Variants in GOLT1A observed in about 807,000 individuals in gnomAD.
GOLT1A encodes vesicle transport protein GOT1A.
Under a neutral mutation model 16.1 loss-of-function variants are expected in GOLT1A, and 10 were observed. The ratio of observed to expected loss-of-function variants is 0.62; its 90% CI spans 0.38 to 1.05. The LOEUF (loss-of-function observed/expected upper bound fraction) is 1.05, where lower values mean the gene tolerates loss of function less well. GOLT1A is among the 50% of genes least tolerant of loss of function. The pLI, the probability that GOLT1A is intolerant of heterozygous loss-of-function variation, is 0.01. For missense variants in GOLT1A, 137 were observed against 165.7 expected, an observed-to-expected ratio of 0.83 and a Z score of 0.95; for synonymous variants, 60 against 67.9, an observed-to-expected ratio of 0.88 and a Z score of 0.57.
rs1557987388 is a variant in GOLT1A at position 204,208,480 on chromosome 1, A to ATATGTGTG, written c.25+5401_25+5402insCACACATA. Among the ~76,000 whole-genome samples the ATATGTGTG allele has an allele frequency of 1.5e-3, 100 of 68,098 alleles. 1 individual carries two copies. The highest frequency in any genetic ancestry group is 4.6e-3 in the African/African-American group (96 of 20,694). 44.7% of individuals were successfully genotyped at this position (68,098 alleles called of 152,430 possible). On this transcript the variant is annotated intron_variant, in intron 1 of 4. Coordinates refer to ENST00000308302, the MANE Select transcript of GOLT1A (RefSeq NM_198447.2). ...TATACTTGTGTGTGTGTGTGTGTATATATATATATATATATATATATAAAA... is the reference window on the plus strand; with the variant it reads ...TATACTTGTGTGTGTGTGTGTGTATATATGTGTGTATATATATATATATATATATAAAA...
Position 204,198,481 on chromosome 1 carries a change from G to A in GOLT1A, c.376C>T (p.Gln126Ter), listed in dbSNP as rs1440957413. ...PFLGALFRRL[Q>*]GTSSMV ...TTTCAGACCATCGAGCTAGTGCCTT[G>A]AAGTCTCCGGAACAGCTGTGGGAGC... Residue 126 changes from glutamine (Q) to a stop codon, truncating the protein, a stop_gained, in exon 5 of 5, where the codon CAA (glutamine) becomes TAA (stop). Coordinates refer to ENST00000308302, the MANE Select transcript of GOLT1A (RefSeq NM_198447.2). LOFTEE classifies it high-confidence loss of function. 6.2e-7 allele frequency: 1 copy of A among 1,613,516 alleles called. No homozygotes were observed. The highest frequency in any genetic ancestry group is 8.5e-7 in the Non-Finnish European group (1 of 1,179,816).
intron 2 of GOLT1A, among the ~76,000 whole-genome samples, chr1:204,202,360 C>G (rs1658976963): frequency 6.6e-6 from 1 of 151,716 alleles, no homozygotes; most frequent in Non-Finnish European, 1.5e-5. Context: ...TCCCATGCTT[C>G]CCTGCTCCTT....
At chr1:204,203,908 C>A (rs1659001748) in intron 1 of GOLT1A, among the ~76,000 whole-genome samples, 1 of 152,152 alleles carries the variant, frequency 6.6e-6, no homozygotes, top group African/African-American at 2.4e-5. Flanking sequence ...TCAGAGCCAG[C>A]AAGCGTAGCC....
intron 1 of GOLT1A, among the ~76,000 whole-genome samples, chr1:204,205,847 A>G (rs1431423709): frequency 6.6e-6 from 1 of 152,200 alleles, no homozygotes; most frequent in Non-Finnish European, 1.5e-5. Flanking sequence ...ATGTGGGTGG[A>G]TCACTTGAAG....
chr1:204,198,370 T>A lies in GOLT1A; in HGVS notation c.*88A>T, dbSNP rs1658895170. The A allele has an allele frequency of 6.6e-6, 8 of 1,204,308 alleles. No individual in the cohort carries two copies. Among genetic ancestry groups the A allele is most frequent in the African/African-American group, 1.5e-5 (1 of 65,740 alleles). The allele number at this position is 1,204,308 out of a possible 1,614,324, so 74.6% of individuals were successfully genotyped here. ...AGGTCCGGATATGTCGGGGAGTGAG[T>A]CAGTGCAGGGGACTGAGGGGGTGGT... On this transcript the variant is annotated 3_prime_UTR_variant, in exon 5 of 5. Transcript: ENST00000308302.
At chr1:204,202,216 T>A (rs1316747950) in intron 2 of GOLT1A, among the ~76,000 whole-genome samples, 1 of 151,572 alleles carries the variant, frequency 6.6e-6, no homozygotes, top group Non-Finnish European at 1.5e-5. Flanking sequence ...CTTCAGAGGC[T>A]CCACTGCCTA....
At chr1:204,200,299 G>GTGTGTGTGTA in intron 3 of GOLT1A, among the ~76,000 whole-genome samples, 4,626 of 82,862 alleles carry the variant, frequency 0.056, 318 homozygotes, top group Admixed American at 0.08. Flanking sequence ...ACATATATGT[G>GTGTGTGTGTA]TATATATATA....
intron 1 of GOLT1A, among the ~76,000 whole-genome samples, chr1:204,212,647 A>AT (rs904523825): frequency 2.0e-5 from 3 of 151,468 alleles, no homozygotes; most frequent in African/African-American, 7.3e-5. Flanking sequence ...AAAAAAAAAA[A>AT]AAAAAAAAAA....
chr1:204,211,153 C>T (rs184813813), intron 1 of GOLT1A, among the ~76,000 whole-genome samples: 213 of 152,306 alleles, frequency 1.4e-3, no homozygotes, highest in African/African-American at 5.0e-3. Flanking sequence ...TGCTTTATTC[C>T]TGCACCCTCC....
chr1:204,203,681 C>T (rs1358944122), intron 1 of GOLT1A, among the ~76,000 whole-genome samples: 1 of 152,252 alleles, frequency 6.6e-6, no homozygotes, highest in Non-Finnish European at 1.5e-5. Flanking sequence ...CTCCCTCCTG[C>T]AGCAGGCACC....
In GOLT1A at chr1:204,199,243, G is replaced by T. The variant is rs374794242; in HGVS notation, c.312C>A (p.Val104=). 1.2e-6 allele frequency: 2 copies of T among 1,603,918 alleles called. No homozygotes were observed. The highest frequency in any genetic ancestry group is 1.7e-6 in the Non-Finnish European group (2 of 1,176,258). The change falls in exon 4 of 5, where the codon GTC becomes GTA. Residue 104 remains valine (V), a synonymous_variant. Coordinates refer to ENST00000308302, the MANE Select transcript of GOLT1A (RefSeq NM_198447.2). ...FFSLFKGFFP[V]AFGFLGNVCN... ...AGACATTGCCCAGGAAGCCGAAGGC[G>T]ACAGGGAAAAAGCCCCTAGGAGCAG...
intron 1 of GOLT1A, among the ~76,000 whole-genome samples, chr1:204,208,482 A>G (rs957478675): frequency 1.5e-4 from 12 of 79,550 alleles, no homozygotes; most frequent in South Asian, 1.0e-3. Context: ...GTGTGTATAT[A>G]TATATATATA....
intron 3 of GOLT1A, among the ~76,000 whole-genome samples, chr1:204,201,432 G>A (rs112188262): frequency 6.6e-5 from 10 of 152,218 alleles, no homozygotes; most frequent in African/African-American, 1.7e-4. Flanking sequence ...GAACACAGTC[G>A]GCACTCTATC....
intron 3 of GOLT1A, among the ~76,000 whole-genome samples, chr1:204,200,870 T>C (rs1658945924): frequency 6.6e-6 from 1 of 152,112 alleles, no homozygotes; most frequent in Non-Finnish European, 1.5e-5. Flanking sequence ...CCCTATTCTC[T>C]CCACACCACC....
chr1:204,201,645 A>T lies in GOLT1A; in HGVS notation c.284T>A (p.Phe95Tyr), dbSNP rs781555361. ...LGMFLETYGF[F>Y]SLFKGFFPVA... ...GATTTGCACTCACTTAAAGAGGCTG[A>T]AGAATCCGTAGGTTTCCAGGAACAT... Residue 95 changes from phenylalanine to tyrosine, a missense_variant, in exon 3 of 5, where the codon TTC becomes TAC. By Grantham distance (22) the Phe-to-Tyr change is conservative. Transcript: ENST00000308302. The T allele has an allele frequency of 1.2e-6, 2 of 1,614,128 alleles. No homozygotes were observed. The highest frequency in any genetic ancestry group is 1.7e-5 in the Admixed American group (1 of 60,018).
chr1:204,198,822 T>C (rs1401070944), intron 4 of GOLT1A: 9 of 484,090 alleles, frequency 1.9e-5, no homozygotes, highest in South Asian at 6.0e-5. Flanking sequence ...TCAGCTGTCA[T>C]ACATTCTCTC....
intron 1 of GOLT1A, among the ~76,000 whole-genome samples, chr1:204,207,755 T>C (rs986799067): frequency 1.3e-5 from 2 of 152,182 alleles, no homozygotes; most frequent in African/African-American, 4.8e-5. Context: ...ACAAAGAATA[T>C]TTTTCTTGAA....
At chr1:204,207,077 C>T (rs1415423957) in intron 1 of GOLT1A, among the ~76,000 whole-genome samples, 1 of 152,242 alleles carries the variant, frequency 6.6e-6, no homozygotes, top group Non-Finnish European at 1.5e-5. Flanking sequence ...TTGCCTCTTG[C>T]TTCTGGAGTA....
At chr1:204,204,988 T>C (rs1007023959) in intron 1 of GOLT1A, among the ~76,000 whole-genome samples, 36 of 152,348 alleles carry the variant, frequency 2.4e-4, no homozygotes, top group African/African-American at 8.2e-4. Context: ...TCTAGTTAAG[T>C]CCTTTGCCTA....
Sources: allele counts gnomAD v4.1 joint callset (sites outside exome capture counted in the v4.1 genomes callset), GRCh38; gene constraint gnomAD v4.1.1; transcripts MANE v1.5; gene names NCBI Gene and HGNC (gene_info 2026-07-23, HGNC 2026-07-21).